Variants in KCNG1 observed in about 807,000 individuals in gnomAD.
KCNG1 encodes the protein potassium voltage-gated channel modifier subfamily G member 1, also known as voltage-gated potassium channel regulatory subunit KCNG1.
In KCNG1, 17 loss-of-function variants were observed where a neutral mutation model predicts 32.4. The observed-to-expected ratio is 0.52, with a 90% confidence interval of 0.36 to 0.79. The LOEUF is 0.79. KCNG1 is among the 30% of genes least tolerant of loss of function. The pLI, the probability that KCNG1 is intolerant of heterozygous loss-of-function variation, is 0.00. For missense variants in KCNG1, 441 were observed against 735.2 expected, an observed-to-expected ratio of 0.60 and a Z score of 4.63; for synonymous variants, 358 against 339.9, an observed-to-expected ratio of 1.05 and a Z score of -0.59.
At chr20:51,013,803 C>A in intron 1 of KCNG1, 1 of 152,234 alleles carries the variant, frequency 6.6e-6, no homozygotes, top group East Asian at 1.9e-4. Context: ...CCCTTTCAGG[C>A]ACTTTCCTTG....
rs549562971 is a variant in KCNG1, at chr20:51,004,999, C to T, written c.775-193G>A. 1.9e-6 allele frequency: 1 copy of T among 516,386 alleles called. No individual in the cohort carries two copies. The highest frequency in any genetic ancestry group is 2.0e-5 in the African/African-American group (1 of 50,736). 32.0% of individuals were successfully genotyped at this position (516,386 alleles called of 1,614,324 possible). A position where few individuals can be genotyped will look rare whatever the true frequency, so the allele number is the denominator to read the frequency against. ...CTAAGCACCATCTCTACACTGGCCGCTCCTCATCTCTCTCTCCAGCCCCCA... is the reference window on the plus strand; with the variant it reads ...CTAAGCACCATCTCTACACTGGCCGTTCCTCATCTCTCTCTCCAGCCCCCA... On this transcript the variant is annotated intron_variant, in intron 2 of 2. Transcript: ENST00000371571. The surrounding 1 kb of genome is among the most constrained non-coding windows in gnomAD (Gnocchi z 4.3).
intron 1 of KCNG1, among the ~76,000 whole-genome samples, chr20:51,020,177 C>G (rs1308279398): frequency 6.6e-6 from 1 of 152,214 alleles, no homozygotes; most frequent in African/African-American, 2.4e-5. Flanking sequence ...TGCAGGCAAG[C>G]AAAATAACAC....
rs765498380 is a variant in KCNG1, at chr20:51,009,739, G to A, written c.600C>T (p.Ala200=). The change falls in exon 2 of 3, where the codon GCC becomes GCT. Residue 200 remains alanine (A), a synonymous_variant. Transcript: ENST00000371571. The part of the protein sequence containing the change: ...DSEGRDSEGP[A]EGEGRLGRCM... ...AGCGCCCCAGGCGGCCCTCGCCCTC[G>A]GCCGGGCCCTCGCTGTCGCGGCCCT... 7 of 1,607,668 alleles carry A rather than the reference G, an allele frequency of 4.4e-6. No individual in the cohort carries two copies. The highest frequency in any genetic ancestry group is 5.1e-6 in the Non-Finnish European group (6 of 1,179,176).
chr20:51,006,224 C>T (rs761600), intron 2 of KCNG1: 118,474 of 152,170 alleles, frequency 0.78, 46,844 homozygotes, highest in Middle Eastern at 0.86. Context: ...TCCTACTGCA[C>T]CCCAAAATGA....
chr20:51,015,013 C>T lies in KCNG1; in HGVS notation c.-26-4649G>A, dbSNP rs1988227625. On this transcript the variant is annotated intron_variant, in intron 1 of 2. Coordinates refer to ENST00000371571, the MANE Select transcript of KCNG1 (RefSeq NM_002237.4). The surrounding 1 kb of genome is among the most constrained non-coding windows in gnomAD (Gnocchi z 4.4). Reference sequence around the variant, plus strand: ...GGAGAGGGGCAGGGGCCAGGTGCAGCAGGGCCGAGGGGCTGACAATAAGGA... The same window carrying T: ...GGAGAGGGGCAGGGGCCAGGTGCAGTAGGGCCGAGGGGCTGACAATAAGGA... Among the ~76,000 whole-genome samples, 1 of 152,032 alleles carries T rather than the reference C, an allele frequency of 6.6e-6. No individual in the cohort carries two copies. The highest frequency in any genetic ancestry group is 2.4e-5 in the African/African-American group (1 of 41,372).
In KCNG1 at chr20:51,012,516, G is replaced by A. The variant is rs569554666; in HGVS notation, c.-26-2152C>T. On this transcript the variant is annotated intron_variant, in intron 1 of 2. Transcript: ENST00000371571. ...TTAAATGAGTACATTTCTTGTTGAC[G>A]AGACCAACATGATAAGGCGACTTCT... The A allele has an allele frequency of 3.3e-5, 5 of 152,300 alleles. No homozygotes were observed. In the South Asian group the frequency reaches 6.2e-4, roughly 19 times the overall value. 9.4% of individuals were successfully genotyped at this position (152,300 alleles called of 1,614,324 possible).
intron 1 of KCNG1, 33 bp from the exon 2 acceptor site, chr20:51,010,397 A>C: frequency 7.2e-7 from 1 of 1,387,368 alleles, no homozygotes; most frequent in Non-Finnish European, 9.7e-7. Context: ...ACCCTCAGTG[A>C]CCACCCCTAG....
At chr20:51,016,740 A>AC (rs1394457220) in intron 1 of KCNG1, among the ~76,000 whole-genome samples, 1 of 152,154 alleles carries the variant, frequency 6.6e-6, no homozygotes, top group Non-Finnish European at 1.5e-5. Context: ...CGCTGAGTGA[A>AC]CCCTCAATAG....
intron 1 of KCNG1, among the ~76,000 whole-genome samples, chr20:51,020,944 A>G (rs1988458649): frequency 2.0e-5 from 3 of 152,148 alleles, no homozygotes; most frequent in South Asian, 2.1e-4. Flanking sequence ...GCTCCAGGAC[A>G]AGCTTCGGGA....
chr20:51,013,284 G>C (rs960623531), intron 1 of KCNG1, among the ~76,000 whole-genome samples: 1 of 151,608 alleles, frequency 6.6e-6, no homozygotes, highest in Non-Finnish European at 1.5e-5. Context: ...CCTGGTGACA[G>C]AGCAAGACTC....
chr20:51,009,042 T>G (rs1987950858), intron 2 of KCNG1, among the ~76,000 whole-genome samples: 1 of 152,176 alleles, frequency 6.6e-6, no homozygotes, highest in African/African-American at 2.4e-5. Flanking sequence ...CCATTCATTC[T>G]CTTATGTAAC....
rs1255708487 is a variant in KCNG1, at chr20:51,004,596, C to T, written c.985G>A (p.Gly329Ser). The T allele has an allele frequency of 1.9e-6, 3 of 1,580,146 alleles. No individual in the cohort carries two copies. The highest frequency in any genetic ancestry group is 2.6e-6 in the Non-Finnish European group (3 of 1,162,654). The change falls in exon 3 of 3, where the codon GGC becomes AGC. Residue 329 changes from glycine to serine, a missense_variant. Physicochemically the swap from Gly to Ser is moderately conservative, Grantham distance 56 (BLOSUM62 0). Around this residue, in one of 6 missense-constraint regions of KCNG1, gnomAD observed 169 missense variants for 297.7 expected, o/e 0.57. Transcript: ENST00000371571. This position sits in a 1 kb window ranked among gnomAD's most constrained non-coding sequence, Gnocchi z 4.3. ...DGAAAGRRKP[G>S]AGNSYLDKVG... ...TTGTCCAGGTAGCTGTTGCCCGCGC[C>T]GGGCTTGCGACGGCCTGCGGCGGCG...
intron 2 of KCNG1, chr20:51,008,068 C>G (rs1050851011): frequency 1.3e-5 from 2 of 152,186 alleles, no homozygotes; most frequent in Admixed American, 1.3e-4. Context: ...TATTTACGTT[C>G]AGTTCACACC....
intron 1 of KCNG1, chr20:51,022,521 C>T (rs1206282289): frequency 1.3e-5 from 2 of 152,254 alleles, no homozygotes; most frequent in Non-Finnish European, 2.9e-5. Flanking sequence ...CCTAACTCTC[C>T]TTCCTCCCAG....
At chr20:51,022,078 T>G (rs140849584) in intron 1 of KCNG1, among the ~76,000 whole-genome samples, 1 of 152,158 alleles carries the variant, frequency 6.6e-6, no homozygotes, top group African/African-American at 2.4e-5. Flanking sequence ...CTAAGCTGCA[T>G]GAAGGGTGCC....
chr20:51,021,542 C>T (rs1056388448), intron 1 of KCNG1, among the ~76,000 whole-genome samples: 1 of 152,160 alleles, frequency 6.6e-6, no homozygotes, highest in Non-Finnish European at 1.5e-5. Context: ...AATGAATAAA[C>T]CTCTGCTCAG....
intron 1 of KCNG1, among the ~76,000 whole-genome samples, chr20:51,016,721 C>T (rs1348518991): frequency 6.6e-6 from 1 of 152,228 alleles, no homozygotes; most frequent in East Asian, 1.9e-4. Context: ...CACTTGGCTC[C>T]ATGCCTGACG....
chr20:51,013,100 G>A (rs535760629), intron 1 of KCNG1, among the ~76,000 whole-genome samples: 40 of 152,012 alleles, frequency 2.6e-4, no homozygotes, highest in Non-Finnish European at 4.7e-4. Flanking sequence ...TCAGAAGATC[G>A]AGACCATCCT....
In KCNG1 at chr20:51,004,174, C is replaced by G; in HGVS notation, c.1407G>C (p.Glu469Asp). The G allele has an allele frequency of 6.2e-7, 1 of 1,614,164 alleles. No homozygotes were observed. The highest frequency in any genetic ancestry group is 8.5e-7 in the Non-Finnish European group (1 of 1,179,998). Residue 469 changes from glutamate to aspartate, a missense_variant, in exon 3 of 3, where the codon GAG (glutamate) becomes GAC (aspartate). Physicochemically the swap from Glu to Asp is conservative, Grantham distance 45. Around this residue, in one of 6 missense-constraint regions of KCNG1, gnomAD observed 53 missense variants for 79.1 expected, o/e 0.67. Coordinates refer to ENST00000371571, the MANE Select transcript of KCNG1 (RefSeq NM_002237.4). This position sits in a 1 kb window ranked among gnomAD's most constrained non-coding sequence, Gnocchi z 4.3. The part of the protein sequence containing the change: ...IFHTFSRSYL[E>D]LKQEQERVMF... ...TCACCCTCTCTTGCTCCTGCTTGAGCTCCAGGTAGGAGCGGGAGAAGGTGT... is the reference window on the plus strand; with the variant it reads ...TCACCCTCTCTTGCTCCTGCTTGAGGTCCAGGTAGGAGCGGGAGAAGGTGT...
Sources: gnomAD v4.1 joint callset for allele counts (sites outside exome capture counted in the v4.1 genomes callset) on GRCh38, gnomAD v4.1.1 for gene constraint, gnomAD v4.1.1 regional missense constraint, Gnocchi (gnomAD v3.1) non-coding constraint, MANE v1.5 for transcripts, NCBI Gene and HGNC (gene_info 2026-07-23, HGNC 2026-07-21) for gene names.